ERGIC1: variants seen among roughly 807,000 people sequenced by gnomAD.
The protein encoded by ERGIC1 is endoplasmic reticulum-golgi intermediate compartment 1, also known as endoplasmic reticulum-Golgi intermediate compartment protein 1.
ERGIC1 carries 19 observed loss-of-function variants against 38.3 expected under a neutral mutation model. That is an observed-to-expected ratio of 0.50 (90% CI 0.35 to 0.73). The LOEUF (loss-of-function observed/expected upper bound fraction) is 0.73. Among genes scored for constraint, ERGIC1 ranks in the 30% least tolerant of loss-of-function variants. The probability of loss-of-function intolerance (pLI) is 0.01; values close to 1 mark genes in which losing one functional copy is unlikely to be tolerated. For synonymous variants in ERGIC1, 124 were observed against 157.6 expected (o/e 0.79, Z 1.60); for missense variants, 294 against 389.2 (o/e 0.76, Z 2.06).
intron 9 of ERGIC1, among the ~76,000 whole-genome samples, chr5:172,942,232 CAA>C (rs1290358219): frequency 1.3e-5 from 2 of 152,194 alleles, no homozygotes; most frequent in South Asian, 4.2e-4. Flanking sequence ...AAAGAATTGA[CAA>C]GAGACAAACT....
At chr5:172,856,947 C>G (rs1421277402) in intron 1 of ERGIC1, among the ~76,000 whole-genome samples, 2 of 152,200 alleles carry the variant, frequency 1.3e-5, no homozygotes, top group Non-Finnish European at 2.9e-5. Flanking sequence ...AAGCATACTG[C>G]AGGCCTGTAG....
chr5:172,871,097 AGT>A (rs1561710706), intron 1 of ERGIC1, among the ~76,000 whole-genome samples: 1 of 152,252 alleles, frequency 6.6e-6, no homozygotes, highest in Non-Finnish European at 1.5e-5. Context: ...ACGCATGCTC[AGT>A]GACATCAATC....
intron 6 of ERGIC1, among the ~76,000 whole-genome samples, chr5:172,924,909 G>A (rs187517748): frequency 7.2e-5 from 11 of 152,302 alleles, no homozygotes; most frequent in Admixed American, 7.2e-4. Flanking sequence ...CCCACCTGGA[G>A]CTTCCAGTCT....
intron 3 of ERGIC1, among the ~76,000 whole-genome samples, chr5:172,908,142 A>G (rs926821896): frequency 1.3e-5 from 2 of 151,092 alleles, no homozygotes; most frequent in African/African-American, 2.4e-5. Context: ...TTCAAAAGGA[A>G]CTTTGCAAAT....
chr5:172,843,284 C>G (rs792976), intron 1 of ERGIC1, among the ~76,000 whole-genome samples: 1 of 152,138 alleles, frequency 6.6e-6, no homozygotes, highest in Non-Finnish European at 1.5e-5. Flanking sequence ...GTTTTCACTC[C>G]GTTAATGTTT....
chr5:172,903,521 A>G (rs990280502), intron 3 of ERGIC1, among the ~76,000 whole-genome samples: 4 of 151,992 alleles, frequency 2.6e-5, no homozygotes, highest in African/African-American at 9.7e-5. Context: ...TGGTCCTATG[A>G]TCTTGGCCAG....
At chr5:172,877,408 ATATG>A (rs1303596373) in intron 1 of ERGIC1, among the ~76,000 whole-genome samples, 7,706 of 116,300 alleles carry the variant, frequency 0.066, 307 homozygotes, top group Non-Finnish European at 0.1. Context: ...AATATTATAT[ATATG>A]TGTGTGTGTG....
chr5:172,905,665 A>T (rs1231924600), intron 3 of ERGIC1, among the ~76,000 whole-genome samples: 1 of 152,232 alleles, frequency 6.6e-6, no homozygotes, highest in African/African-American at 2.4e-5. Flanking sequence ...TGCCGGATCC[A>T]GAGGGGTGGA....
chr5:172,859,229 C>G (rs703735), intron 1 of ERGIC1, among the ~76,000 whole-genome samples: 129,606 of 151,994 alleles, frequency 0.85, 55,631 homozygotes, highest in East Asian at 1. Flanking sequence ...TGCTCTTGGC[C>G]GTGCTGGTTC....
At chr5:172,912,850 C>G (rs1438832321) in intron 4 of ERGIC1, among the ~76,000 whole-genome samples, 1 of 151,580 alleles carries the variant, frequency 6.6e-6, no homozygotes, top group Non-Finnish European at 1.5e-5. Flanking sequence ...CTCACTGCAA[C>G]CTCCACCTCC....
chr5:172,879,732 C>A (rs1398936932), intron 1 of ERGIC1, among the ~76,000 whole-genome samples: 2 of 152,340 alleles, frequency 1.3e-5, no homozygotes, highest in Middle Eastern at 3.4e-3. Flanking sequence ...TCAGAGAGAG[C>A]ATGGGATCAA....
chr5:172,850,928 G>A (rs1286369314), intron 1 of ERGIC1, among the ~76,000 whole-genome samples: 2 of 152,166 alleles, frequency 1.3e-5, no homozygotes, highest in East Asian at 1.9e-4. Flanking sequence ...AGCCGGGCAC[G>A]GTGGCTCACA....
intron 1 of ERGIC1, among the ~76,000 whole-genome samples, chr5:172,875,265 G>A (rs1229137858): frequency 6.6e-6 from 1 of 152,126 alleles, no homozygotes; most frequent in Non-Finnish European, 1.5e-5. Context: ...GCTTGCTTCT[G>A]GTGTTGGCTC....
chr5:172,906,377 G>A (rs1306904783), intron 3 of ERGIC1, among the ~76,000 whole-genome samples: 1 of 152,160 alleles, frequency 6.6e-6, no homozygotes, highest in African/African-American at 2.4e-5. Context: ...CTGTTCCCTG[G>A]TTTTAAGATG....
chr5:172,921,654 T>C (rs1159794239), intron 5 of ERGIC1: 1 of 152,276 alleles, frequency 6.6e-6, no homozygotes, highest in Non-Finnish European at 1.5e-5. Context: ...CAGTGTGGCA[T>C]CTGGGGACCT....
intron 1 of ERGIC1, among the ~76,000 whole-genome samples, chr5:172,878,281 G>A (rs754884116): frequency 4.0e-4 from 61 of 152,124 alleles, no homozygotes; most frequent in Admixed American, 2.9e-3. Context: ...ACCAGGAGTC[G>A]TCACCCAGAT....
At chr5:172,838,048 C>T (rs1292683130) in intron 1 of ERGIC1, among the ~76,000 whole-genome samples, 1 of 152,190 alleles carries the variant, frequency 6.6e-6, no homozygotes, top group Non-Finnish European at 1.5e-5. Flanking sequence ...TCGGGGGTGC[C>T]GCTGCACTGG....
At chr5:172,893,277 G>C (rs1762614219) in intron 2 of ERGIC1, among the ~76,000 whole-genome samples, 1 of 152,052 alleles carries the variant, frequency 6.6e-6, no homozygotes, top group Admixed American at 6.6e-5. Flanking sequence ...CCTCCCAAGT[G>C]GTTGGGATTA....
At chr5:172,929,518 T>G (rs551905013) in intron 7 of ERGIC1, among the ~76,000 whole-genome samples, 1 of 152,254 alleles carries the variant, frequency 6.6e-6, no homozygotes, top group South Asian at 2.1e-4. Context: ...ATTTGGCAAA[T>G]TGTATCAAAG....
Sources: gnomAD v4.1 joint callset for allele counts (sites outside exome capture counted in the v4.1 genomes callset) on GRCh38, gnomAD v4.1.1 for gene constraint, MANE v1.5 for transcripts, NCBI Gene and HGNC (gene_info 2026-07-23, HGNC 2026-07-21) for gene names.